Variants in DRC4 observed in about 807,000 individuals in gnomAD.
DRC4 encodes the protein GAS-11.
At chr16:90,041,735 G>A in the DRC4 span, among the ~76,000 whole-genome samples, 1 of 151,994 alleles carries the variant, frequency 6.6e-6, no homozygotes, top group African/African-American at 2.4e-5. Context: ...GGAGGCGGAG[G>A]TTGCGGTGAG....
At chr16:90,044,472 C>T in the DRC4 span, 82 of 470,222 alleles carry the variant, frequency 1.7e-4, no homozygotes, top group East Asian at 3.8e-3. Flanking sequence ...TCATGAGCCT[C>T]AGCCCCCTCC....
the DRC4 span, chr16:90,036,327 C>T: frequency 1.1e-4 from 164 of 1,484,450 alleles, no homozygotes; most frequent in African/African-American, 5.3e-4. Flanking sequence ...GTTCTGTAGC[C>T]GTAGGGGCAC....
chr16:90,044,634 G>A, the DRC4 span: 18,209 of 470,922 alleles, frequency 0.039, 452 homozygotes, highest in South Asian at 0.076. Context: ...CTGGGGAGAG[G>A]ATGAGGCTGC....
chr16:90,040,300 G>T, the DRC4 span: 9 of 1,578,066 alleles, frequency 5.7e-6, no homozygotes, highest in East Asian at 7.0e-5. Context: ...GTCCCTACAG[G>T]TGCAGCAGGA....
the DRC4 span, among the ~76,000 whole-genome samples, chr16:90,024,282 C>T: frequency 6.6e-6 from 1 of 151,928 alleles, no homozygotes; most frequent in African/African-American, 2.4e-5. Context: ...TTAGAGAGAC[C>T]GATGGGGTTC....
chr16:90,038,303 C>T, the DRC4 span, among the ~76,000 whole-genome samples: 19 of 152,262 alleles, frequency 1.2e-4, no homozygotes, highest in African/African-American at 4.3e-4. Context: ...TGCATGCTCT[C>T]GTGTGGATGT....
the DRC4 span, chr16:90,042,520 G>A: frequency 7.4e-6 from 12 of 1,613,696 alleles, no homozygotes; most frequent in Non-Finnish European, 1.0e-5. Context: ...AGTATGAGCT[G>A]GCCCAGGTCT....
At chr16:90,022,598 G>T in the DRC4 span, 74 of 1,128,942 alleles carry the variant, frequency 6.6e-5, no homozygotes, top group East Asian at 1.9e-4. Flanking sequence ...CCGCTGCCCG[G>T]CGGAGTCTCG....
chr16:90,037,535 C>A, the DRC4 span: 3 of 1,107,238 alleles, frequency 2.7e-6, no homozygotes, highest in South Asian at 1.6e-5. Flanking sequence ...CCTTTCTCTG[C>A]CTCGTGTTCT....
At chr16:90,019,731 G>A in the DRC4 span, 1 of 655,896 alleles carries the variant, frequency 1.5e-6, no homozygotes, top group Non-Finnish European at 2.7e-6. This position sits in a 1 kb window ranked among gnomAD's most constrained non-coding sequence, Gnocchi z 6.1. Flanking sequence ...CACTCACTTG[G>A]CGGCCGCGCC....
the DRC4 span, chr16:90,036,524 G>T: frequency 1.2e-6 from 2 of 1,611,320 alleles, no homozygotes; most frequent in Non-Finnish European, 1.7e-6. Context: ...GGCCTTCACC[G>T]ACATTAAGAA....
the DRC4 span, among the ~76,000 whole-genome samples, chr16:90,033,663 A>C: frequency 6.6e-6 from 1 of 152,066 alleles, no homozygotes; most frequent in Non-Finnish European, 1.5e-5. Context: ...GAGACAAAAC[A>C]AAAAGGAAAG....
chr16:90,036,408 T>C, the DRC4 span: 1 of 1,609,742 alleles, frequency 6.2e-7, no homozygotes, highest in Admixed American at 1.7e-5. Flanking sequence ...GATAAGAAGA[T>C]GAAGATGCTG....
chr16:90,042,666 C>T, the DRC4 span: 4 of 731,712 alleles, frequency 5.5e-6, no homozygotes, highest in Admixed American at 2.1e-5. Flanking sequence ...GTCACTGTCC[C>T]CACGTGAGGG....
At chr16:90,030,852 G>A in the DRC4 span, among the ~76,000 whole-genome samples, 1 of 152,224 alleles carries the variant, frequency 6.6e-6, no homozygotes, top group East Asian at 1.9e-4. Flanking sequence ...TCCTGGGCGC[G>A]AGGGATCCTT....
At chr16:90,020,033 C>G in the DRC4 span, 3 of 693,798 alleles carry the variant, frequency 4.3e-6, no homozygotes, top group South Asian at 1.5e-5. Context: ...CCCCATGTCC[C>G]TATCGCCCAG....
chr16:90,041,266 C>T, the DRC4 span, among the ~76,000 whole-genome samples: 1 of 152,230 alleles, frequency 6.6e-6, no homozygotes, highest in African/African-American at 2.4e-5. Context: ...TCATTGTTAC[C>T]TCGACTTCTA....
chr16:90,032,871 G>C, the DRC4 span: 1 of 1,613,934 alleles, frequency 6.2e-7, no homozygotes, highest in Non-Finnish European at 8.5e-7. Context: ...ACTGAAGGTG[G>C]AGCTCAAGGA....
At chr16:90,025,556 A>G in the DRC4 span, among the ~76,000 whole-genome samples, 2 of 147,590 alleles carry the variant, frequency 1.4e-5, no homozygotes, top group Non-Finnish European at 3.0e-5. Flanking sequence ...AGGCTGAGGC[A>G]GGAGAATGGC....
Sources: gnomAD v4.1 joint callset for allele counts (sites outside exome capture counted in the v4.1 genomes callset) on GRCh38, gnomAD v4.1.1 for gene constraint, Gnocchi (gnomAD v3.1) non-coding constraint, MANE v1.5 for transcripts, NCBI Gene and HGNC (gene_info 2026-07-23, HGNC 2026-07-21) for gene names.